PGM1: variants seen among roughly 807,000 people sequenced by gnomAD.
The protein encoded by PGM1 is phosphoglucomutase-1.
In PGM1, 52 loss-of-function variants were observed where a neutral mutation model predicts 55.6. That is an observed-to-expected ratio of 0.94 (90% CI 0.75 to 1.18). The LOEUF (loss-of-function observed/expected upper bound fraction) is 1.18. Among genes scored for constraint, PGM1 ranks in the 50% most tolerant of loss-of-function variants. The pLI is 0.00. For missense variants in PGM1, 724 were observed against 729.3 expected (o/e 0.99, Z 0.08); for synonymous variants, 287 against 271.7 (o/e 1.06, Z -0.55).
rs369915522 is a variant in PGM1 at position 63,631,718 on chromosome 1, T to C, written c.618T>C (p.Ser206=). ...ATMLRSIFDF[S]ALKELLSGPN... The stretch of plus-strand genomic sequence containing the variant: ...TGCTGAGAAGCATCTTTGATTTCAG[T>C]GCACTGAAAGAACTACTTTCTGGGC... Residue 206 remains serine (S), a synonymous_variant, in exon 4 of 11, where the codon AGT becomes AGC. Transcript: ENST00000371084. 3.7e-6 allele frequency: 6 copies of C among 1,612,868 alleles called. No homozygotes were observed. The highest frequency in any genetic ancestry group is 1.7e-5 in the Admixed American group (1 of 60,000).
At chr1:63,651,622 G>A (rs917907097) in intron 8 of PGM1, 47 bp from the exon 9 acceptor site, 2 of 1,557,172 alleles carry the variant, frequency 1.3e-6, no homozygotes, top group Non-Finnish European at 1.8e-6. Context: ...AGGCCTTGGT[G>A]TGATCTGCAG....
intron 7 of PGM1, among the ~76,000 whole-genome samples, chr1:63,639,700 G>T (rs1272018574): frequency 6.6e-6 from 1 of 152,052 alleles, no homozygotes; most frequent in Non-Finnish European, 1.5e-5. Context: ...ACCCTTTAGT[G>T]AAGAAAAGAA....
intron 4 of PGM1, among the ~76,000 whole-genome samples, chr1:63,634,304 A>T (rs1009241740): frequency 2.6e-5 from 4 of 152,026 alleles, no homozygotes; most frequent in Non-Finnish European, 5.9e-5. Context: ...ATAGCTATTA[A>T]CTCATTTAAT....
intron 3 of PGM1, among the ~76,000 whole-genome samples, chr1:63,631,327 T>A (rs529232972): frequency 6.6e-6 from 1 of 152,350 alleles, no homozygotes; most frequent in South Asian, 2.1e-4. Context: ...TGTGGTGGCA[T>A]AGCAGAATTT....
chr1:63,651,819 C>T lies in PGM1; in HGVS notation c.1431C>T (p.Ser477=), dbSNP rs1310621870. Residue 477 remains serine, a synonymous_variant, in exon 9 of 11, where the codon AGC becomes AGT. Transcript: ENST00000371084. The part of the protein sequence containing the change: ...TVEKADNFEY[S]DPVDGSISRN... ...AGAAGGCCGATAACTTTGAATACAGCGACCCAGTGGATGGAAGCATTTCAA... is the reference window on the plus strand; with the variant it reads ...AGAAGGCCGATAACTTTGAATACAGTGACCCAGTGGATGGAAGCATTTCAA... 39 of 1,613,872 alleles carry T rather than the reference C, an allele frequency of 2.4e-5. No individual in the cohort carries two copies. The highest frequency in any genetic ancestry group is 3.1e-5 in the Non-Finnish European group (36 of 1,179,918).
In PGM1 at chr1:63,624,360, G is replaced by A. The variant is rs558660306; in HGVS notation, c.247-5065G>A. On this transcript the variant is annotated intron_variant, in intron 1 of 10. Transcript: ENST00000371084. ...GAAGCCGTGCGCATGGTGAATTTGT[G>A]CAGCAGGGTAGAGATAATAACTCCT... 4.6e-5 allele frequency among the ~76,000 whole-genome samples: 7 copies of A among 152,320 alleles called. No individual in the cohort carries two copies. In the South Asian group the frequency reaches 1.5e-3, roughly 32 times the overall value.
intron 4 of PGM1, among the ~76,000 whole-genome samples, chr1:63,634,029 G>T (rs1649294607): frequency 7.1e-6 from 1 of 141,658 alleles, no homozygotes; most frequent in Admixed American, 7.5e-5. Context: ...TGATCTGTCT[G>T]CCTCAGCCTC....
intron 1 of PGM1, among the ~76,000 whole-genome samples, chr1:63,616,429 C>T (rs1648714102): frequency 6.6e-6 from 1 of 152,170 alleles, no homozygotes; most frequent in South Asian, 2.1e-4. Flanking sequence ...GAATGCCTTC[C>T]ATGGCTTCTT....
At chr1:63,654,525 C>T in intron 10 of PGM1, 59 bp downstream of exon 10, 1 of 1,577,718 alleles carries the variant, frequency 6.3e-7, no homozygotes, top group Non-Finnish European at 8.7e-7. Flanking sequence ...GATAGTTTCC[C>T]ATTGAGCCTG....
Position 63,615,764 on chromosome 1 carries a change from T to C in PGM1, c.247-13661T>C, listed in dbSNP as rs536933709. Among the ~76,000 whole-genome samples the C allele has an allele frequency of 4.6e-5, 7 of 151,978 alleles. No homozygotes were observed. The South Asian group carries it at 1.3e-3, about 27-fold the overall frequency. ...TTAGTAGAGACGGGGTTTTACCATG[T>C]TGGCCAGGCGGATCACTTGAGGTCA... On this transcript the variant is annotated intron_variant, in intron 1 of 10. Transcript: ENST00000371084.
intron 1 of PGM1, among the ~76,000 whole-genome samples, chr1:63,610,302 C>T (rs1648531568): frequency 6.6e-6 from 1 of 151,822 alleles, no homozygotes; most frequent in African/African-American, 2.4e-5. Context: ...AAGCCTCTTG[C>T]CAAAAACAAA....
At chr1:63,643,688 C>G (rs2269239) in intron 7 of PGM1, among the ~76,000 whole-genome samples, 32,658 of 152,186 alleles carry the variant, frequency 0.21, 3,814 homozygotes, top group Admixed American at 0.34. Context: ...CCCGGCCATT[C>G]TTTGGGCAGA....
chr1:63,633,937 T>TATTTTTATTTATTTA (rs1557433792), intron 4 of PGM1, among the ~76,000 whole-genome samples: 6 of 90,170 alleles, frequency 6.7e-5, no homozygotes, highest in African/African-American at 3.0e-4. Context: ...TATATATTTT[T>TATTTTTATTTATTTA]TTTTTTTTTT....
chr1:63,637,611 A>C lies in PGM1; in HGVS notation c.1029-1074A>C, dbSNP rs935814649. Among the ~76,000 whole-genome samples the C allele has an allele frequency of 1.5e-4, 23 of 152,184 alleles. 2 individuals carry two copies. Among genetic ancestry groups the C allele is most frequent in the Admixed American group, 1.4e-3 (22 of 15,278 alleles). On this transcript the variant is annotated intron_variant, in intron 6 of 10. Transcript: ENST00000371084. ...AGGGAAGTTAGCAGTCTTGTCCAAG[A>C]TCTCACCACCAAATTAGAGCTAGCA...
In PGM1 at chr1:63,611,311, C is replaced by T. The variant is rs574870012; in HGVS notation, c.246+17577C>T. ...GACATGGGGGTATGAAGAAGACATT[C>T]TGTGTAGTGGGAGCAGCCCTTGCAA... On this transcript the variant is annotated intron_variant, in intron 1 of 10. Transcript: ENST00000371084. Among the ~76,000 whole-genome samples, 109 of 152,064 alleles carry T rather than the reference C, an allele frequency of 7.2e-4. 4 individuals carry two copies. Among genetic ancestry groups the T allele is most frequent in the Non-Finnish European group, 4.4e-4 (30 of 67,964 alleles).
chr1:63,632,954 C>T lies in PGM1; in HGVS notation c.682+1172C>T, dbSNP rs564958320. On this transcript the variant is annotated intron_variant, in intron 4 of 10. Coordinates refer to ENST00000371084, the MANE Select transcript of PGM1 (RefSeq NM_002633.3). ...AGGAGACTAGCTTGAATCCGGAAGG[C>T]GGAAGTTGTAGTGAGCGGAGATCAC... Among the ~76,000 whole-genome samples, 7 of 152,180 alleles carry T rather than the reference C, an allele frequency of 4.6e-5. 1 individual carries two copies. Among genetic ancestry groups the T allele is most frequent in the East Asian group, 1.9e-4 (1 of 5,164 alleles).
chr1:63,607,032 A>G lies in PGM1; in HGVS notation c.246+13298A>G, dbSNP rs540712663. On this transcript the variant is annotated intron_variant, in intron 1 of 10. Coordinates refer to ENST00000371084, the MANE Select transcript of PGM1 (RefSeq NM_002633.3). ...TGAATCATTCAATATTTTTTAGTCT[A>G]TTCACAGAACTGTACAACCATCACC... 2.6e-5 allele frequency among the ~76,000 whole-genome samples: 4 copies of G among 152,350 alleles called. No individual in the cohort carries two copies. In the South Asian group the frequency reaches 6.2e-4, roughly 24 times the overall value.
chr1:63,606,837 G>A (rs1648433020), intron 1 of PGM1, among the ~76,000 whole-genome samples: 1 of 152,188 alleles, frequency 6.6e-6, no homozygotes, highest in African/African-American at 2.4e-5. Flanking sequence ...ACAGAGAGAA[G>A]ACAGAACTTA....
chr1:63,633,866 CTGTG>C (rs58094821), intron 4 of PGM1, among the ~76,000 whole-genome samples: 5,434 of 72,534 alleles, frequency 0.075, 313 homozygotes, highest in Non-Finnish European at 0.088. Flanking sequence ...GTCTGTGTCT[CTGTG>C]TGTGTGTGTG....
Sources: gnomAD v4.1 joint callset for allele counts (sites outside exome capture counted in the v4.1 genomes callset) on GRCh38, gnomAD v4.1.1 for gene constraint, MANE v1.5 for transcripts, NCBI Gene and HGNC (gene_info 2026-07-23, HGNC 2026-07-21) for gene names.